The following VAPA variants were observed in gnomAD, a reference collection of about 807,000 sequenced individuals.
The protein encoded by VAPA is vesicle-associated membrane protein-associated protein A.
Under a neutral mutation model 25.6 loss-of-function variants are expected in VAPA, and 6 were observed. The observed-to-expected ratio is 0.23, with a 90% CI of 0.13 to 0.46. The LOEUF is 0.46. Among genes scored for constraint, VAPA ranks in the 20% least tolerant of loss-of-function variants. The probability of loss-of-function intolerance (pLI) is 0.99; values close to 1 mark genes in which losing one functional copy is unlikely to be tolerated. For missense variants in VAPA, 244 were observed against 302.1 expected, an observed-to-expected ratio of 0.81 and a Z score of 1.43; for synonymous variants, 112 against 106.2, an observed-to-expected ratio of 1.05 and a Z score of -0.34.
chr18:9,940,510 C>G (rs1443890026), intron 4 of VAPA, among the ~76,000 whole-genome samples: 1 of 152,126 alleles, frequency 6.6e-6, no homozygotes, highest in African/African-American at 2.4e-5. Flanking sequence ...GGTGCTTCTT[C>G]AAATGGTAAA....
chr18:9,914,373 G>A (rs1478826545), intron 1 of VAPA, 38 bp downstream of exon 1: 2 of 1,533,360 alleles, frequency 1.3e-6, no homozygotes, highest in East Asian at 2.8e-5. Flanking sequence ...GGGGTGGGGC[G>A]CGCGGACCGC....
At chr18:9,942,478 C>G (rs1415867921) in intron 4 of VAPA, among the ~76,000 whole-genome samples, 1 of 151,642 alleles carries the variant, frequency 6.6e-6, no homozygotes, top group African/African-American at 2.4e-5. Flanking sequence ...CCAGCCCCCC[C>G]TTCCTGTATC....
chr18:9,930,002 A>T (rs933637674), intron 1 of VAPA, among the ~76,000 whole-genome samples: 2 of 152,148 alleles, frequency 1.3e-5, no homozygotes, highest in Non-Finnish European at 2.9e-5. Context: ...GTATCGTGAA[A>T]TGTAAATACT....
intron 4 of VAPA, chr18:9,948,020 T>C (rs1348775471): frequency 6.6e-6 from 1 of 152,230 alleles, no homozygotes; most frequent in African/African-American, 2.4e-5. Context: ...TATAACTTAT[T>C]GGGCACACTT....
At chr18:9,922,243 TAC>T (rs1264351731) in intron 1 of VAPA, among the ~76,000 whole-genome samples, 1 of 152,278 alleles carries the variant, frequency 6.6e-6, no homozygotes, top group Admixed American at 6.5e-5. Flanking sequence ...GTGCTGGAAT[TAC>T]AGGCATGAGC....
intron 5 of VAPA, among the ~76,000 whole-genome samples, chr18:9,952,409 A>G (rs2069499129): frequency 6.6e-6 from 1 of 152,090 alleles, no homozygotes; most frequent in African/African-American, 2.4e-5. Context: ...TCTATTAAAA[A>G]TACAAAAATT....
At chr18:9,926,397 A>G (rs2069200458) in intron 1 of VAPA, among the ~76,000 whole-genome samples, 1 of 152,120 alleles carries the variant, frequency 6.6e-6, no homozygotes, top group South Asian at 2.1e-4. Flanking sequence ...AGCCTTCCTC[A>G]TTAGTCTGCA....
chr18:9,942,042 G>A (rs1468617868), intron 4 of VAPA, among the ~76,000 whole-genome samples: 1 of 152,188 alleles, frequency 6.6e-6, no homozygotes, highest in African/African-American at 2.4e-5. Flanking sequence ...AGCAAAATCA[G>A]TTCAGCTTTT....
chr18:9,940,822 A>G (rs1249114806), intron 4 of VAPA, among the ~76,000 whole-genome samples: 2 of 152,190 alleles, frequency 1.3e-5, no homozygotes, highest in Non-Finnish European at 2.9e-5. Context: ...ATAGAATGAG[A>G]CTTAAAGATT....
At chr18:9,951,882 T>C (rs974036166) in intron 5 of VAPA, among the ~76,000 whole-genome samples, 2 of 152,228 alleles carry the variant, frequency 1.3e-5, no homozygotes, top group African/African-American at 2.4e-5. Flanking sequence ...TGTTTCATAG[T>C]ACCCCCTCGA....
In VAPA at chr18:9,936,221, TA is replaced by T. The variant is rs747549550; in HGVS notation, c.336+9del. 1.3e-6 allele frequency: 2 copies of T among 1,565,468 alleles called. No individual in the cohort carries two copies. The highest frequency in any genetic ancestry group is 1.7e-6 in the Non-Finnish European group (2 of 1,151,878). ...TCAGATATGGAAGCTGTGGTAAGTA[TA>T]GAAGAAGAATTTGTTTTGGGAAGTG... On this transcript the variant is annotated intron_variant, in intron 3 of 5. Coordinates refer to ENST00000400000, the MANE Select transcript of VAPA (RefSeq NM_194434.3).
intron 1 of VAPA, among the ~76,000 whole-genome samples, chr18:9,925,431 T>C (rs2069192527): frequency 6.6e-6 from 1 of 152,154 alleles, no homozygotes; most frequent in Non-Finnish European, 1.5e-5. Context: ...AAGAGATATG[T>C]TTTAGTGCTT....
At chr18:9,917,876 C>T (rs929517832) in intron 1 of VAPA, among the ~76,000 whole-genome samples, 2 of 152,228 alleles carry the variant, frequency 1.3e-5, no homozygotes, top group Non-Finnish European at 1.5e-5. Flanking sequence ...CCAGTCGGCT[C>T]TTCATGTTTC....
At chr18:9,927,269 T>C (rs1025725963) in intron 1 of VAPA, among the ~76,000 whole-genome samples, 5 of 152,090 alleles carry the variant, frequency 3.3e-5, no homozygotes, top group Admixed American at 3.3e-4. Context: ...GTGATGAGTG[T>C]ATGAGTGTTT....
chr18:9,951,617 A>T (rs2069490998), intron 5 of VAPA, among the ~76,000 whole-genome samples: 1 of 152,260 alleles, frequency 6.6e-6, no homozygotes, highest in Non-Finnish European at 1.5e-5. Context: ...TTTGACAAGT[A>T]ATTACTTGTT....
chr18:9,950,464 C>A lies in VAPA; in HGVS notation c.487C>A (p.His163Asn), dbSNP rs780271208. ...SKQDGPMPKP[H>N]SVSLNDTETR... ...GCAAGATGGACCTATGCCAAAACCA[C>A]ACAGTGTTTCACTTAATGATACCGA... Residue 163 changes from histidine to asparagine, a missense_variant, in exon 5 of 6, where the codon CAC becomes AAC. Around this residue, in one of 2 missense-constraint regions of VAPA, gnomAD observed 145 missense variants for 140.6 expected, o/e 1.03. Transcript: ENST00000400000. The A allele has an allele frequency of 6.2e-7, 1 of 1,614,086 alleles. No homozygotes were observed. Among genetic ancestry groups the A allele is most frequent in the Admixed American group, 1.7e-5 (1 of 60,016 alleles).
chr18:9,926,443 A>C (rs2069200688), intron 1 of VAPA, among the ~76,000 whole-genome samples: 1 of 152,156 alleles, frequency 6.6e-6, no homozygotes, highest in African/African-American at 2.4e-5. Context: ...CCTTGTCAAG[A>C]ACTGTGAAGG....
At chr18:9,932,768 T>C (rs2069268914) in intron 2 of VAPA, among the ~76,000 whole-genome samples, 1 of 152,170 alleles carries the variant, frequency 6.6e-6, no homozygotes, top group Admixed American at 6.5e-5. Context: ...GGAACACACA[T>C]GGATTCATCT....
chr18:9,933,624 G>A (rs116839000), intron 2 of VAPA, among the ~76,000 whole-genome samples: 2,001 of 152,202 alleles, frequency 0.013, 54 homozygotes, highest in African/African-American at 0.044. Context: ...TGCAACTTCC[G>A]CCTCCTGGAT....
Sources: allele counts gnomAD v4.1 joint callset (sites outside exome capture counted in the v4.1 genomes callset), GRCh38; gene constraint gnomAD v4.1.1; regional missense constraint gnomAD v4.1.1; transcripts MANE v1.5; gene names NCBI Gene and HGNC (gene_info 2026-07-23, HGNC 2026-07-21).